C4orf36: variants seen among roughly 807,000 people sequenced by gnomAD.
The protein encoded by C4orf36 is chromosome 4 open reading frame 36, also known as uncharacterized protein C4orf36.
A neutral mutation model predicts 12.2 loss-of-function variants in C4orf36; 11 were observed. The ratio of observed to expected loss-of-function variants is 0.90; its 90% CI spans 0.57 to 1.49. The LOEUF (loss-of-function observed/expected upper bound fraction) is 1.49. Among genes scored for constraint, C4orf36 ranks in the 40% most tolerant of loss-of-function variants. C4orf36 has a pLI of 0.00. For missense variants in C4orf36, 137 were observed against 133.9 expected (o/e 1.02, Z -0.11); for synonymous variants, 54 against 51.3 (o/e 1.05, Z -0.22).
At chr4:86,911,208 G>A in the C4orf36 span, among the ~76,000 whole-genome samples, 1 of 152,338 alleles carries the variant, frequency 6.6e-6, no homozygotes, top group Non-Finnish European at 1.5e-5. Context: ...AGAAGGCTTG[G>A]TGACAGGTTG....
Position 86,888,273 on chromosome 4 carries a change from T to A in C4orf36, c.68A>T (p.Gln23Leu). The A allele has an allele frequency of 6.2e-7, 1 of 1,612,554 alleles. No individual in the cohort carries two copies. The highest frequency in any genetic ancestry group is 2.2e-5 in the East Asian group (1 of 44,840). ...AAGCAATGCAATATCCCAAGGTTCCTGTCTGGGGCAAAAATTCATTAATCC... is the reference window on the plus strand; with the variant it reads ...AAGCAATGCAATATCCCAAGGTTCCAGTCTGGGGCAAAAATTCATTAATCC... ...TILRGSCYNV[Q>L]EPWDIALLAK... The change falls in exon 3 of 5, where the codon CAG (glutamine) becomes CTG (leucine). Residue 23 changes from glutamine to leucine, a missense_variant and splice_region_variant. Coordinates refer to ENST00000295898, the MANE Select transcript of C4orf36 (RefSeq NM_144645.4).
chr4:86,912,041 T>G, the C4orf36 span, among the ~76,000 whole-genome samples: 1 of 152,092 alleles, frequency 6.6e-6, no homozygotes, highest in African/African-American at 2.4e-5. Flanking sequence ...TTTGTTTGTT[T>G]GTTTTGTATT....
chr4:86,890,870 A>G (rs534763017), intron 2 of C4orf36, among the ~76,000 whole-genome samples: 1 of 152,328 alleles, frequency 6.6e-6, no homozygotes, highest in South Asian at 2.1e-4. Context: ...CAATTGTTAT[A>G]TGCATCTTGC....
intron 2 of C4orf36, among the ~76,000 whole-genome samples, chr4:86,890,664 T>C (rs1437203845): frequency 6.6e-6 from 1 of 152,170 alleles, no homozygotes; most frequent in Non-Finnish European, 1.5e-5. Flanking sequence ...CTCATTTACT[T>C]CACAGAATAT....
the C4orf36 span, chr4:86,913,283 C>G: frequency 1.5e-6 from 1 of 653,788 alleles, no homozygotes; most frequent in Non-Finnish European, 2.8e-6. Flanking sequence ...ATGGAAGACT[C>G]GAGAGTCTTG....
At chr4:86,893,163 T>C (rs943275825), upstream of C4orf36, among the ~76,000 whole-genome samples, 2 of 152,154 alleles carry the variant, frequency 1.3e-5, no homozygotes, top group African/African-American at 4.8e-5. Context: ...CTTTATGAAA[T>C]AGGTAAGAGC....
At chr4:86,932,021 C>A in the C4orf36 span, among the ~76,000 whole-genome samples, 1 of 117,800 alleles carries the variant, frequency 8.5e-6, no homozygotes, top group Non-Finnish European at 1.7e-5. Context: ...GGCAATAGAG[C>A]GAGACTCTGT....
chr4:86,907,062 A>C, the C4orf36 span, among the ~76,000 whole-genome samples: 1 of 152,020 alleles, frequency 6.6e-6, no homozygotes, highest in Admixed American at 6.6e-5. Context: ...ATAAATATTA[A>C]AATAAAAATT....
chr4:86,908,813 C>T, the C4orf36 span, among the ~76,000 whole-genome samples: 3 of 152,128 alleles, frequency 2.0e-5, no homozygotes, highest in East Asian at 1.9e-4. Context: ...AATTCTCAGA[C>T]GTCGGAAGAT....
the C4orf36 span, chr4:86,935,897 T>C: frequency 6.6e-6 from 1 of 152,282 alleles, no homozygotes; most frequent in Admixed American, 6.5e-5. Context: ...CCATCCTCTG[T>C]GGCCGTCGCA....
chr4:86,908,461 T>TC, the C4orf36 span, among the ~76,000 whole-genome samples: 1 of 151,672 alleles, frequency 6.6e-6, no homozygotes, highest in Admixed American at 6.6e-5. Context: ...TCTTTTTTTT[T>TC]TTTTTGGAAT....
chr4:86,913,579 C>A, the C4orf36 span: 1 of 1,241,714 alleles, frequency 8.1e-7, no homozygotes. Context: ...CAGCAGCCAC[C>A]ACTCTGTTCT....
At chr4:86,891,900 TG>T (rs1434410390) in intron 1 of C4orf36, among the ~76,000 whole-genome samples, 8 of 152,380 alleles carry the variant, frequency 5.3e-5, no homozygotes, top group Non-Finnish European at 1.2e-4. Flanking sequence ...TGTCTGATCG[TG>T]GCAGTGCTGA....
the C4orf36 span, among the ~76,000 whole-genome samples, chr4:86,918,996 TACTC>T: frequency 2.0e-5 from 3 of 151,968 alleles, no homozygotes; most frequent in Non-Finnish European, 2.9e-5. Flanking sequence ...GATGGTGTAA[TACTC>T]AGTCCAAGGC....
chr4:86,907,409 T>G, the C4orf36 span, among the ~76,000 whole-genome samples: 1 of 152,164 alleles, frequency 6.6e-6, no homozygotes, highest in Admixed American at 6.5e-5. Flanking sequence ...GATACTAGGC[T>G]TAATAGCAGG....
the C4orf36 span, among the ~76,000 whole-genome samples, chr4:86,901,598 A>T: frequency 6.6e-6 from 1 of 151,156 alleles, no homozygotes; most frequent in Middle Eastern, 3.4e-3. Flanking sequence ...TTTTTAGTAG[A>T]GATGGGGTTT....
the C4orf36 span, among the ~76,000 whole-genome samples, chr4:86,933,914 G>T: frequency 6.6e-6 from 1 of 152,142 alleles, no homozygotes; most frequent in Admixed American, 6.5e-5. Context: ...TTATATTTTG[G>T]AAAACAATCC....
the C4orf36 span, among the ~76,000 whole-genome samples, chr4:86,923,909 T>C: frequency 6.6e-6 from 1 of 152,182 alleles, no homozygotes; most frequent in South Asian, 2.1e-4. Context: ...TATATTAGCA[T>C]GCTTTCATGT....
chr4:86,883,155 C>T (rs1747088883), intron 4 of C4orf36, among the ~76,000 whole-genome samples: 1 of 152,174 alleles, frequency 6.6e-6, no homozygotes, highest in East Asian at 1.9e-4. Flanking sequence ...AAAATGATAT[C>T]TGTGCTTCTG....
Sources: allele counts gnomAD v4.1 joint callset (sites outside exome capture counted in the v4.1 genomes callset), GRCh38; gene constraint gnomAD v4.1.1; transcripts MANE v1.5; gene names NCBI Gene and HGNC (gene_info 2026-07-23, HGNC 2026-07-21).